The following CIMAP3 variants were observed in gnomAD, a reference collection of about 807,000 sequenced individuals.
The protein encoded by CIMAP3 is ciliary microtubule-associated protein 3.
the CIMAP3 span, among the ~76,000 whole-genome samples, chr1:111,332,238 G>C: frequency 6.6e-6 from 1 of 152,138 alleles, no homozygotes; most frequent in African/African-American, 2.4e-5. Context: ...TTGGCTTCTT[G>C]GTTGGTCTGA....
At chr1:111,344,477 G>A in the CIMAP3 span, among the ~76,000 whole-genome samples, 1 of 152,188 alleles carries the variant, frequency 6.6e-6, no homozygotes, top group South Asian at 2.1e-4. Context: ...TGGAACAGCA[G>A]CACCAAGGTT....
At chr1:111,336,732 G>A in the CIMAP3 span, among the ~76,000 whole-genome samples, 1 of 152,338 alleles carries the variant, frequency 6.6e-6, no homozygotes, top group South Asian at 2.1e-4. Context: ...TGGTGTACCT[G>A]AAAGTGACGG....
the CIMAP3 span, among the ~76,000 whole-genome samples, chr1:111,333,566 G>C: frequency 2.0e-5 from 3 of 152,196 alleles, no homozygotes; most frequent in East Asian, 5.8e-4. Context: ...AAGCACTGTA[G>C]GTGTTTGTGG....
At chr1:111,324,890 G>A in the CIMAP3 span, 1 of 983,350 alleles carries the variant, frequency 1.0e-6, no homozygotes, top group Non-Finnish European at 1.2e-6. Flanking sequence ...TTTGGTAATG[G>A]TAATCATGTT....
chr1:111,350,274 C>A, the CIMAP3 span: 1 of 1,446,764 alleles, frequency 6.9e-7, no homozygotes, highest in Non-Finnish European at 9.7e-7. Context: ...CTAGTACTTT[C>A]ATAGGTATTA....
At chr1:111,329,380 A>G in the CIMAP3 span, among the ~76,000 whole-genome samples, 2 of 151,440 alleles carry the variant, frequency 1.3e-5, no homozygotes, top group Admixed American at 1.3e-4. Flanking sequence ...CCTGAATTTG[A>G]CTGTTGGCCT....
chr1:111,339,446 C>G, the CIMAP3 span, among the ~76,000 whole-genome samples: 1 of 150,118 alleles, frequency 6.7e-6, no homozygotes, highest in African/African-American at 2.5e-5. Flanking sequence ...GATTGTATAT[C>G]TAGAAAACCC....
the CIMAP3 span, among the ~76,000 whole-genome samples, chr1:111,338,171 G>A: frequency 2.6e-3 from 386 of 151,202 alleles, 2 homozygotes; most frequent in Middle Eastern, 0.01. Flanking sequence ...ACAACATACC[G>A]GAATCTCTGG....
chr1:111,328,941 T>G, the CIMAP3 span, among the ~76,000 whole-genome samples: 1 of 152,232 alleles, frequency 6.6e-6, no homozygotes, highest in African/African-American at 2.4e-5. Context: ...GCTTTACAAT[T>G]ACACTGGTCT....
At chr1:111,337,026 G>C in the CIMAP3 span, among the ~76,000 whole-genome samples, 1 of 152,182 alleles carries the variant, frequency 6.6e-6, no homozygotes, top group Non-Finnish European at 1.5e-5. Context: ...AGCCAGCAGA[G>C]AGTGGGGGCC....
At chr1:111,326,809 T>C in the CIMAP3 span, among the ~76,000 whole-genome samples, 2 of 152,200 alleles carry the variant, frequency 1.3e-5, no homozygotes, top group African/African-American at 4.8e-5. Flanking sequence ...TGGTATCTCA[T>C]TGTGGTTTTA....
chr1:111,347,638 GGTGTTTTTGTT>G, the CIMAP3 span: 2 of 818,780 alleles, frequency 2.4e-6, no homozygotes, highest in Non-Finnish European at 3.4e-6. Context: ...TTTTTTTTTT[GGTGTTTTTGTT>G]TGTTTTTTAA....
the CIMAP3 span, among the ~76,000 whole-genome samples, chr1:111,350,519 G>A: frequency 5.9e-5 from 9 of 152,264 alleles, no homozygotes; most frequent in Admixed American, 5.9e-4. Context: ...AGGCCCAGAT[G>A]GATTAAGTGA....
the CIMAP3 span, chr1:111,348,412 T>A: frequency 8.2e-7 from 1 of 1,221,806 alleles, no homozygotes; most frequent in South Asian, 1.8e-5. Context: ...CATAGCTGAT[T>A]TATGAACAGA....
chr1:111,326,863 A>G, the CIMAP3 span, among the ~76,000 whole-genome samples: 1 of 152,146 alleles, frequency 6.6e-6, no homozygotes, highest in Non-Finnish European at 1.5e-5. Flanking sequence ...TTCTTTTCAT[A>G]TCCACGTTAG....
chr1:111,348,385 G>A, the CIMAP3 span: 1 of 961,780 alleles, frequency 1.0e-6, no homozygotes, highest in East Asian at 2.7e-5. Context: ...TATTTCTGTA[G>A]CTTGAGGTGG....
chr1:111,331,398 T>G, the CIMAP3 span, among the ~76,000 whole-genome samples: 24 of 152,222 alleles, frequency 1.6e-4, no homozygotes, highest in Non-Finnish European at 3.2e-4. Context: ...TCTTTCTTCT[T>G]TTATTTTTAA....
the CIMAP3 span, among the ~76,000 whole-genome samples, chr1:111,329,533 AT>A: frequency 0.011 from 498 of 46,174 alleles, 17 homozygotes; most frequent in African/African-American, 0.055. Flanking sequence ...ATATATATAT[AT>A]ATATATATAT....
At chr1:111,336,740 C>T in the CIMAP3 span, among the ~76,000 whole-genome samples, 229 of 152,234 alleles carry the variant, frequency 1.5e-3, 2 homozygotes, top group South Asian at 9.8e-3. Context: ...CTGAAAGTGA[C>T]GGGGAGAATG....
Sources: allele counts gnomAD v4.1 joint callset (sites outside exome capture counted in the v4.1 genomes callset), GRCh38; gene constraint gnomAD v4.1.1; transcripts MANE v1.5; gene names NCBI Gene and HGNC (gene_info 2026-07-23, HGNC 2026-07-21).